The following NRIP1 variants were observed in gnomAD, a reference collection of about 807,000 sequenced individuals.
NRIP1 encodes the protein nuclear receptor interacting protein 1, also known as nuclear receptor-interacting protein 1.
A neutral mutation model predicts 75.0 loss-of-function variants in NRIP1; 28 were observed. The observed-to-expected ratio is 0.37, with a 90% CI of 0.28 to 0.51. The LOEUF is 0.51. Ranked by LOEUF, NRIP1 falls within the 20% of genes least tolerant of loss-of-function variation. The pLI, the probability that NRIP1 is intolerant of heterozygous loss-of-function variation, is 0.92. For synonymous variants in NRIP1, 526 were observed against 487.6 expected (o/e 1.08, Z -1.04); for missense variants, 1,435 against 1,343.7 (o/e 1.07, Z -1.06).
intron 3 of NRIP1, among the ~76,000 whole-genome samples, chr21:15,009,511 A>T (rs546135060): frequency 2.6e-5 from 4 of 152,336 alleles, no homozygotes; most frequent in Non-Finnish European, 5.9e-5. Flanking sequence ...CTGAGTGGTA[A>T]GGCAGGGAAC....
At position 14,961,525 on chromosome 21, in the gene NRIP1, A is replaced by C. The variant is rs1406049172; in HGVS notation, c.*3191T>G. The C allele has an allele frequency of 6.6e-6, 1 of 152,432 alleles. No homozygotes were observed. The highest frequency in any genetic ancestry group is 1.5e-5 in the Non-Finnish European group (1 of 67,902). 9.4% of individuals were successfully genotyped at this position (152,432 alleles called of 1,614,324 possible). Reference sequence around the variant, plus strand: ...TTGCAATGGGATTAAAAAATTCATGAAAGTAGTTGTGTGAATTCTTTATGT... The same window carrying C: ...TTGCAATGGGATTAAAAAATTCATGCAAGTAGTTGTGTGAATTCTTTATGT... On this transcript the variant is annotated 3_prime_UTR_variant, in exon 4 of 4. Transcript: ENST00000318948.
At position 14,967,246 on chromosome 21, in the gene NRIP1, T is replaced by C. The variant is rs764167937; in HGVS notation, c.947A>G (p.Gln316Arg). 1.2e-6 allele frequency: 2 copies of C among 1,613,986 alleles called. No individual in the cohort carries two copies. Among genetic ancestry groups the C allele is most frequent in the Non-Finnish European group, 8.5e-7 (1 of 1,179,986 alleles). Residue 316 changes from glutamine to arginine, a missense_variant, in exon 4 of 4, where the codon CAG (glutamine) becomes CGG (arginine). Transcript: ENST00000318948. ...ENGQKDVGSY[Q>R]LPKGMSSHLN... ...ATGGCTTGACATTCCTTTTGGGAGC[T>C]GGTAACTGCCAACATCCTTCTGGCC...
At position 15,059,690 on chromosome 21, in the gene NRIP1, C is replaced by A. The variant is rs565689763; in HGVS notation, c.-538+5055G>T. Among the ~76,000 whole-genome samples, 8 of 152,138 alleles carry A rather than the reference C, an allele frequency of 5.3e-5. No homozygotes were observed. The South Asian group carries it at 1.7e-3, about 32-fold the overall frequency. ...AATTTGTTTAGCAGGTAATTATTTG[C>A]CCCATTATCTTCAAGAACAATCTAT... On this transcript the variant is annotated intron_variant, in intron 1 of 3. Transcript: ENST00000318948.
chr21:14,974,434 C>T (rs2086991793), intron 3 of NRIP1: 1 of 152,186 alleles, frequency 6.6e-6, no homozygotes, highest in South Asian at 2.1e-4. Flanking sequence ...GAAATTTCTG[C>T]TTCGTAATTG....
At chr21:14,995,819 C>T (rs1034521508) in intron 3 of NRIP1, among the ~76,000 whole-genome samples, 1 of 151,928 alleles carries the variant, frequency 6.6e-6, no homozygotes, top group Non-Finnish European at 1.5e-5. Flanking sequence ...ACTGGCCCTC[C>T]TCCAACACAT....
At chr21:15,045,439 T>C (rs1333695675) in intron 1 of NRIP1, among the ~76,000 whole-genome samples, 1 of 152,256 alleles carries the variant, frequency 6.6e-6, no homozygotes, top group African/African-American at 2.4e-5. Flanking sequence ...AAAAGCTTTA[T>C]GTCGAAACAA....
chr21:14,969,272 T>G (rs1025548652), intron 3 of NRIP1, among the ~76,000 whole-genome samples: 2 of 152,310 alleles, frequency 1.3e-5, no homozygotes, highest in African/African-American at 4.8e-5. Flanking sequence ...AAGGGTTTAA[T>G]GTAGTTCGTT....
chr21:15,014,707 G>A (rs1038600216), intron 2 of NRIP1, among the ~76,000 whole-genome samples: 5 of 151,744 alleles, frequency 3.3e-5, no homozygotes, highest in Non-Finnish European at 7.4e-5. Context: ...CTGTGAAAAA[G>A]GTTTATAGTT....
intron 2 of NRIP1, among the ~76,000 whole-genome samples, chr21:15,036,954 T>C (rs1379895084): frequency 6.6e-6 from 1 of 152,186 alleles, no homozygotes; most frequent in Admixed American, 6.5e-5. Flanking sequence ...ATTTATTACT[T>C]TCACCAAAAG....
Position 14,969,093 on chromosome 21 carries a change from A to G in NRIP1, c.-334-567T>C, listed in dbSNP as rs936099028. On this transcript the variant is annotated intron_variant, in intron 3 of 3. Transcript: ENST00000318948. Reference sequence around the variant, plus strand: ...TAGAATTTCCGTTTTCAAAAAAATGAAACCACTAACAAGTTGAAGATTATT... The same window carrying G: ...TAGAATTTCCGTTTTCAAAAAAATGGAACCACTAACAAGTTGAAGATTATT... 2.6e-4 allele frequency among the ~76,000 whole-genome samples: 39 copies of G among 152,246 alleles called. 1 individual carries two copies. The highest frequency in any genetic ancestry group is 3.7e-4 in the Non-Finnish European group (25 of 68,044).
intron 3 of NRIP1, among the ~76,000 whole-genome samples, chr21:14,970,908 T>C (rs997117239): frequency 2.0e-5 from 3 of 152,338 alleles, no homozygotes; most frequent in Admixed American, 2.0e-4. Context: ...ACAAAGCAGA[T>C]TTGGAAGTTG....
Position 14,967,865 on chromosome 21 carries a change from C to T in NRIP1, c.328G>A (p.Val110Ile), listed in dbSNP as rs755926461. The T allele has an allele frequency of 2.0e-5, 33 of 1,614,064 alleles. No individual in the cohort carries two copies. The highest frequency in any genetic ancestry group is 2.7e-5 in the Non-Finnish European group (32 of 1,180,008). The part of the protein sequence containing the change: ...RLSDSIMNLN[V>I]KKEALLAGMV... Reference sequence around the variant, plus strand: ...CCAGCTAGCAAAGCTTCCTTCTTTACGTTTAAATTCATGATAGAATCAGAC... The same window carrying T: ...CCAGCTAGCAAAGCTTCCTTCTTTATGTTTAAATTCATGATAGAATCAGAC... Residue 110 changes from valine to isoleucine, a missense_variant, in exon 4 of 4, where the codon GTA (valine) becomes ATA (isoleucine). Transcript: ENST00000318948.
In NRIP1 at chr21:14,961,360, A is replaced by C. The variant is rs1212443371; in HGVS notation, c.*3356T>G. The C allele has an allele frequency of 6.6e-6, 1 of 152,440 alleles. No individual in the cohort carries two copies. Among genetic ancestry groups the C allele is most frequent in the Admixed American group, 6.6e-5 (1 of 15,240 alleles). The allele number at this position is 152,440 out of a possible 1,614,324, so 9.4% of individuals were successfully genotyped here. On this transcript the variant is annotated 3_prime_UTR_variant, in exon 4 of 4. Coordinates refer to ENST00000318948, the MANE Select transcript of NRIP1 (RefSeq NM_003489.4). ...TTCATGACATCACATGAAGAAATTA[A>C]ATTTCTAATAAAAATGGCAAATTAT...
In NRIP1 at chr21:14,965,100, A is replaced by G. The variant is rs1429613145; in HGVS notation, c.3093T>C (p.Asn1031=). Residue 1031 remains asparagine (N), a synonymous_variant, in exon 4 of 4, where the codon AAT becomes AAC. Transcript: ENST00000318948. ...CTTTCTCACTGGGCATGGAACACCC[A>G]TTCAAAAGCCCAGATTCTGGTCTAG... is the stretch of plus-strand genomic sequence containing the variant. ...AGSRPESGLL[N]GCSMPSEKGP... is the part of the protein sequence containing the mutation. 4 of 1,613,290 alleles carry G rather than the reference A, an allele frequency of 2.5e-6. No individual in the cohort carries two copies. The highest frequency in any genetic ancestry group is 3.4e-6 in the Non-Finnish European group (4 of 1,179,928).
intron 3 of NRIP1, among the ~76,000 whole-genome samples, chr21:14,995,046 A>G (rs141506456): frequency 1.6e-4 from 25 of 152,366 alleles, no homozygotes; most frequent in African/African-American, 5.8e-4. Flanking sequence ...GGTAATAATT[A>G]TTCCAATTTC....
intron 3 of NRIP1, among the ~76,000 whole-genome samples, chr21:15,006,120 A>G (rs2147137741): frequency 6.6e-6 from 1 of 152,316 alleles, no homozygotes; most frequent in Non-Finnish European, 1.5e-5. Flanking sequence ...AAATTACATT[A>G]TAGCATGTTT....
In NRIP1 at chr21:14,962,346, GT is replaced by G. The variant is rs990880347; in HGVS notation, c.*2369del. 6.6e-6 allele frequency: 1 copy of G among 152,082 alleles called. No homozygotes were observed. Among genetic ancestry groups the G allele is most frequent in the Non-Finnish European group, 1.5e-5 (1 of 67,820 alleles). The allele number at this position is 152,082 out of a possible 1,614,324, so 9.4% of individuals were successfully genotyped here. ...TCAGAACAGCATTCTTCGTGGTCAT[GT>G]TTATTTAAGTATTACATATTCTCAT... On this transcript the variant is annotated 3_prime_UTR_variant, in exon 4 of 4. Transcript: ENST00000318948.
intron 1 of NRIP1, chr21:15,050,868 T>C (rs2089186193): frequency 2.2e-6 from 1 of 455,930 alleles, no homozygotes; most frequent in Non-Finnish European, 4.4e-6. Flanking sequence ...GGAGGCAATA[T>C]TCCCCTGCCT....
chr21:15,029,079 A>T (rs945347177), intron 2 of NRIP1, among the ~76,000 whole-genome samples: 1 of 152,024 alleles, frequency 6.6e-6, no homozygotes, highest in Non-Finnish European at 1.5e-5. Flanking sequence ...GAATTCAGCT[A>T]CTTCTTACTG....
Sources: gnomAD v4.1 joint callset for allele counts (sites outside exome capture counted in the v4.1 genomes callset) on GRCh38, gnomAD v4.1.1 for gene constraint, MANE v1.5 for transcripts, NCBI Gene and HGNC (gene_info 2026-07-23, HGNC 2026-07-21) for gene names.